GMCL1: variants seen among roughly 807,000 people sequenced by gnomAD.
GMCL1 encodes germ cell-less protein-like 1.
A neutral mutation model predicts 75.5 loss-of-function variants in GMCL1; 54 were observed. The ratio of observed to expected loss-of-function variants is 0.71; its 90% CI spans 0.57 to 0.90. The LOEUF (loss-of-function observed/expected upper bound fraction) is 0.90, where lower values mean the gene tolerates loss of function less well. GMCL1 is among the 40% of genes least tolerant of loss of function. The probability of loss-of-function intolerance (pLI) is 0.00; values close to 1 mark genes in which losing one functional copy is unlikely to be tolerated. For missense variants in GMCL1, 537 were observed against 622.7 expected, an observed-to-expected ratio of 0.86 and a Z score of 1.47; for synonymous variants, 210 against 209.6, an observed-to-expected ratio of 1.00 and a Z score of -0.02.
chr2:69,854,522 A>G (rs1348361491), intron 8 of GMCL1, among the ~76,000 whole-genome samples: 2 of 152,048 alleles, frequency 1.3e-5, no homozygotes, highest in South Asian at 2.1e-4. Context: ...GTGTAATCCT[A>G]AGTACCTTTC....
Position 69,838,336 on chromosome 2 carries a change from CAAAAAA to C in GMCL1, c.384+689_384+694del, listed in dbSNP as rs71397366. Among the ~76,000 whole-genome samples, 130 of 31,516 alleles carry C rather than the reference CAAAAAA, an allele frequency of 4.1e-3. No individual in the cohort carries two copies. In the Middle Eastern group the frequency reaches 0.048, roughly 12 times the overall value. 20.7% of individuals were successfully genotyped at this position (31,516 alleles called of 152,430 possible). A position where few individuals can be genotyped will look rare whatever the true frequency, so the allele number is the denominator to read the frequency against. On this transcript the variant is annotated intron_variant, in intron 2 of 13. Coordinates refer to ENST00000282570, the MANE Select transcript of GMCL1 (RefSeq NM_178439.5). ...TGGGCAACAGAGCGAGACTCTGTCT[CAAAAAA>C]AAAAAAAAAAAAAAAAAAAAAATCG...
intron 1 of GMCL1, among the ~76,000 whole-genome samples, chr2:69,835,138 T>G (rs957097886): frequency 6.6e-6 from 1 of 152,144 alleles, no homozygotes; most frequent in Non-Finnish European, 1.5e-5. Flanking sequence ...ATTTACTCAA[T>G]TAAAACACCA....
rs1676262746 is a variant in GMCL1 at position 69,880,990 on chromosome 2, A to G, written c.*1986A>G. On this transcript the variant is annotated 3_prime_UTR_variant, in exon 14 of 14. Coordinates refer to ENST00000282570, the MANE Select transcript of GMCL1 (RefSeq NM_178439.5). Reference sequence around the variant, plus strand: ...TTACCCTTTATGTATTGAAAAATATATAAATTCCAAACTTAAATTATTTGG... The same window carrying G: ...TTACCCTTTATGTATTGAAAAATATGTAAATTCCAAACTTAAATTATTTGG... 1 of 152,204 alleles carries G rather than the reference A, an allele frequency of 6.6e-6. No homozygotes were observed. Among genetic ancestry groups the G allele is most frequent in the Non-Finnish European group, 1.5e-5 (1 of 68,038 alleles). 9.4% of individuals were successfully genotyped at this position (152,204 alleles called of 1,614,324 possible).
chr2:69,837,321 TC>T (rs1255709535), intron 1 of GMCL1, among the ~76,000 whole-genome samples: 1 of 152,212 alleles, frequency 6.6e-6, no homozygotes, highest in East Asian at 1.9e-4. Flanking sequence ...CCACTATCTC[TC>T]CCGTGCATAG....
rs766857964 is a variant in GMCL1 at position 69,844,144 on chromosome 2, C to T, written c.706C>T (p.Leu236Phe). Residue 236 changes from leucine to phenylalanine, a missense_variant, in exon 6 of 14, where the codon CTT (leucine) becomes TTT (phenylalanine). Coordinates refer to ENST00000282570, the MANE Select transcript of GMCL1 (RefSeq NM_178439.5). ...TTTTAATTTCAGGTGCCTTGAATGG[C>T]TTCTAAACAATTTGATGACTCACCA... ...DSVKKKCLEW[L>F]LNNLMTHQNV... is the part of the protein sequence containing the mutation. 1.3e-6 allele frequency: 2 copies of T among 1,563,236 alleles called. No individual in the cohort carries two copies. The highest frequency in any genetic ancestry group is 3.7e-5 in the Admixed American group (2 of 53,446).
At chr2:69,837,367 T>A (rs1674848960) in intron 1 of GMCL1, among the ~76,000 whole-genome samples, 180 bp from the exon 2 acceptor site, 1 of 152,234 alleles carries the variant, frequency 6.6e-6, no homozygotes, top group Non-Finnish European at 1.5e-5. Flanking sequence ...ATTAGTTTCT[T>A]ATGTACTCTT....
intron 4 of GMCL1, among the ~76,000 whole-genome samples, chr2:69,842,455 T>C (rs1240156722): frequency 6.6e-6 from 1 of 152,234 alleles, no homozygotes; most frequent in East Asian, 1.9e-4. Context: ...AAGTATACTT[T>C]ATTATCTAAC....
At chr2:69,833,759 C>G (rs1165301047) in intron 1 of GMCL1, among the ~76,000 whole-genome samples, 11 of 152,212 alleles carry the variant, frequency 7.2e-5, no homozygotes, top group Admixed American at 7.2e-4. Context: ...AGCTTTTAGG[C>G]CCAACTTCCA....
In GMCL1 at chr2:69,840,869, G is replaced by A. The variant is rs566476776; in HGVS notation, c.482-73G>A. On this transcript the variant is annotated intron_variant, in intron 3 of 13. Coordinates refer to ENST00000282570, the MANE Select transcript of GMCL1 (RefSeq NM_178439.5). ...GATGTCTTTGTGTGTGAAGACAGTCGTTGTTGTTATTTGTATAACACTTGT... is the reference window on the plus strand; with the variant it reads ...GATGTCTTTGTGTGTGAAGACAGTCATTGTTGTTATTTGTATAACACTTGT... 211 of 963,678 alleles carry A rather than the reference G, an allele frequency of 2.2e-4. 2 individuals are homozygous for A. Among genetic ancestry groups the A allele is most frequent in the Middle Eastern group, 9.3e-4 (4 of 4,288 alleles). The allele number at this position is 963,678 out of a possible 1,614,324, so 59.7% of individuals were successfully genotyped here.
rs554157180 is a variant in GMCL1, at chr2:69,830,538, A to C, written c.260+386A>C. 6.4e-4 allele frequency among the ~76,000 whole-genome samples: 98 copies of C among 152,286 alleles called. 1 individual carries two copies. The highest frequency in any genetic ancestry group is 2.1e-3 in the African/African-American group (88 of 41,558). ...TTTGCATCCGGTTGCCTTAGTACAG[A>C]CACTAAATGTAATCTCTGAAATAGG... On this transcript the variant is annotated intron_variant, in intron 1 of 13. Transcript: ENST00000282570.
chr2:69,876,419 G>T (rs1159776683), intron 13 of GMCL1, among the ~76,000 whole-genome samples: 1 of 152,162 alleles, frequency 6.6e-6, no homozygotes, highest in African/African-American at 2.4e-5. Flanking sequence ...GAAGGAAAAT[G>T]AACATGACAT....
intron 6 of GMCL1, among the ~76,000 whole-genome samples, chr2:69,845,444 C>G (rs1288008885): frequency 1.3e-5 from 2 of 152,154 alleles, no homozygotes; most frequent in Admixed American, 6.5e-5. Flanking sequence ...TGCAGAGCAG[C>G]CTTTCTTTTT....
rs181025404 is a variant in GMCL1, at chr2:69,854,190, C to G, written c.935-633C>G. Reference sequence around the variant, plus strand: ...TTAGAGACAAGTTCTTGCTCTGTCACACAGGCTGGAGTGCAGTGGTGCAAT... The same window carrying G: ...TTAGAGACAAGTTCTTGCTCTGTCAGACAGGCTGGAGTGCAGTGGTGCAAT... On this transcript the variant is annotated intron_variant, in intron 8 of 13. Transcript: ENST00000282570. Among the ~76,000 whole-genome samples the G allele has an allele frequency of 1.1e-3, 166 of 150,576 alleles. 1 individual carries two copies. Among genetic ancestry groups the G allele is most frequent in the Middle Eastern group, 7.0e-3 (2 of 286 alleles).
intron 1 of GMCL1, among the ~76,000 whole-genome samples, chr2:69,834,697 C>A (rs1674772135): frequency 6.6e-6 from 1 of 152,112 alleles, no homozygotes; most frequent in South Asian, 2.1e-4. Context: ...AAGTGTGGGT[C>A]TTTTAATGGC....
intron 13 of GMCL1, among the ~76,000 whole-genome samples, chr2:69,874,685 C>G (rs1676073774): frequency 6.6e-6 from 1 of 150,498 alleles, no homozygotes; most frequent in South Asian, 2.1e-4. Context: ...TTTTTTCTTG[C>G]TAATTTTTAA....
At position 69,869,817 on chromosome 2, in the gene GMCL1, A is replaced by G. The variant is rs780197740; in HGVS notation, c.1317A>G (p.Pro439=). The change falls in exon 12 of 14, where the codon CCA becomes CCG. Residue 439 remains proline, a synonymous_variant. Transcript: ENST00000282570. ...IIFKRNTLNQ[P]CSGSVSLQPR... The stretch of plus-strand genomic sequence containing the variant: ...TCAAACGCAATACACTGAATCAGCC[A>G]TGTAGCGGATCTGTCAGTTTACAGC... 1.9e-6 allele frequency: 3 copies of G among 1,614,054 alleles called. No individual in the cohort carries two copies. The Admixed American group carries it at 5.0e-5, about 27-fold the overall frequency.
intron 1 of GMCL1, among the ~76,000 whole-genome samples, chr2:69,835,321 A>G (rs907035432): frequency 3.3e-5 from 5 of 152,090 alleles, no homozygotes; most frequent in African/African-American, 1.2e-4. Flanking sequence ...TTATCATAGC[A>G]GTCTATGGGG....
intron 1 of GMCL1, among the ~76,000 whole-genome samples, chr2:69,830,861 G>A (rs1392762259): frequency 6.6e-6 from 1 of 151,720 alleles, no homozygotes; most frequent in Non-Finnish European, 1.5e-5. Context: ...AAACAATTTG[G>A]TTTTTCTGCT....
chr2:69,834,678 A>G (rs935784462), intron 1 of GMCL1, among the ~76,000 whole-genome samples: 16 of 152,190 alleles, frequency 1.1e-4, no homozygotes, highest in African/African-American at 3.9e-4. Flanking sequence ...ATTTAATTAG[A>G]ATGTGCTTAA....
Sources: allele counts gnomAD v4.1 joint callset (sites outside exome capture counted in the v4.1 genomes callset), GRCh38; gene constraint gnomAD v4.1.1; transcripts MANE v1.5; gene names NCBI Gene and HGNC (gene_info 2026-07-23, HGNC 2026-07-21).